EPHA6: variants seen among roughly 807,000 people sequenced by gnomAD.
The protein encoded by EPHA6 is ephrin type-A receptor 6.
EPHA6 carries 50 observed loss-of-function variants against 112.0 expected under a neutral mutation model. The ratio of observed to expected loss-of-function variants is 0.45; its 90% confidence interval spans 0.36 to 0.56. EPHA6 has a LOEUF of 0.56. Among genes scored for constraint, EPHA6 ranks in the 20% least tolerant of loss-of-function variants. EPHA6 has a pLI of 0.00. For synonymous variants in EPHA6, 529 were observed against 490.7 expected (o/e 1.08, Z -1.03); for missense variants, 1,280 against 1,417.4 (o/e 0.90, Z 1.56).
At chr3:97,279,468 A>C (rs944013879) in intron 5 of EPHA6, among the ~76,000 whole-genome samples, 1 of 152,016 alleles carries the variant, frequency 6.6e-6, no homozygotes, top group African/African-American at 2.4e-5. Context: ...GTGCTGTCAG[A>C]CTGCTCAAGT....
intron 3 of EPHA6, among the ~76,000 whole-genome samples, chr3:97,187,094 G>A (rs2077160227): frequency 6.6e-6 from 1 of 152,070 alleles, no homozygotes; most frequent in South Asian, 2.1e-4. Context: ...TCTCCGTGGT[G>A]GCTTACAACA....
At position 96,988,558 on chromosome 3, in the gene EPHA6, G is replaced by T. The variant is rs78724140; in HGVS notation, c.1114+565G>T. ...ATAATACTTGAATTGTACTTAAATA[G>T]AATTATATTTAAATAAATGAGGGAT... is the stretch of plus-strand genomic sequence containing the variant. On this transcript the variant is annotated intron_variant, in intron 3 of 17. Transcript: ENST00000389672. Among the ~76,000 whole-genome samples, 212 of 152,096 alleles carry T rather than the reference G, an allele frequency of 1.4e-3. 4 individuals are homozygous for T. The East Asian group carries it at 0.036, about 26-fold the overall frequency.
chr3:97,232,884 A>G (rs2078569613), intron 4 of EPHA6, among the ~76,000 whole-genome samples: 1 of 152,112 alleles, frequency 6.6e-6, no homozygotes, highest in South Asian at 2.1e-4. Flanking sequence ...GAGGGGCCAC[A>G]TGCACAGTAT....
intron 2 of EPHA6, among the ~76,000 whole-genome samples, chr3:96,935,020 G>C (rs913973798): frequency 6.6e-6 from 1 of 151,266 alleles, no homozygotes; most frequent in Non-Finnish European, 1.5e-5. Flanking sequence ...TCAAATATTG[G>C]TTCTCTAATG....
chr3:97,327,987 ATGT>A (rs2082543457), intron 5 of EPHA6, among the ~76,000 whole-genome samples: 1 of 140,566 alleles, frequency 7.1e-6, no homozygotes, highest in African/African-American at 2.9e-5. Context: ...GTGCATATAT[ATGT>A]ATATGTGTAT....
chr3:97,716,574 C>CAAAAAAAAAAAAA (rs1218426459), intron 14 of EPHA6, among the ~76,000 whole-genome samples: 1 of 37,264 alleles, frequency 2.7e-5, no homozygotes, highest in African/African-American at 1.7e-4. Context: ...GACTCCGTCT[C>CAAAAAAAAAAAAA]AAAAAAAAAA....
chr3:97,669,929 T>A (rs1450516157), intron 14 of EPHA6, among the ~76,000 whole-genome samples: 1 of 152,204 alleles, frequency 6.6e-6, no homozygotes, highest in Non-Finnish European at 1.5e-5. Flanking sequence ...TTTTCCTTAA[T>A]GCATTTGCCT....
chr3:97,750,269 A>G lies in EPHA6; in HGVS notation c.*1568A>G, dbSNP rs1193116421. On this transcript the variant is annotated 3_prime_UTR_variant, in exon 18 of 18. Transcript: ENST00000389672. ...TACCTACCCTAATTCTCAAATTCCT[A>G]TCTAAATTCATTTTTTGTCATAGTA... Among the ~76,000 whole-genome samples, 3 of 150,836 alleles carry G rather than the reference A, an allele frequency of 2.0e-5. No individual in the cohort carries two copies. Among genetic ancestry groups the G allele is most frequent in the Non-Finnish European group, 4.4e-5 (3 of 67,742 alleles).
intron 3 of EPHA6, among the ~76,000 whole-genome samples, chr3:97,139,866 A>C (rs1408231886): frequency 6.6e-6 from 1 of 152,176 alleles, no homozygotes; most frequent in Non-Finnish European, 1.5e-5. Flanking sequence ...CGAATTCCAA[A>C]TATGAATTGT....
At chr3:97,126,486 A>G (rs973185578) in intron 3 of EPHA6, among the ~76,000 whole-genome samples, 2 of 152,226 alleles carry the variant, frequency 1.3e-5, no homozygotes, top group African/African-American at 4.8e-5. Context: ...ACAAATGACA[A>G]TATAACTCCA....
intron 5 of EPHA6, among the ~76,000 whole-genome samples, chr3:97,287,398 G>A (rs1413917458): frequency 6.6e-6 from 1 of 151,758 alleles, no homozygotes; most frequent in Non-Finnish European, 1.5e-5. Context: ...CTGGGAGGCG[G>A]AGCTTGCAGT....
At chr3:97,157,807 C>T (rs1407112634) in intron 3 of EPHA6, among the ~76,000 whole-genome samples, 1 of 152,120 alleles carries the variant, frequency 6.6e-6, no homozygotes, top group Non-Finnish European at 1.5e-5. Flanking sequence ...TTGATTAGAT[C>T]ACCGCACCTA....
At chr3:97,311,162 A>G (rs1296343413) in intron 5 of EPHA6, among the ~76,000 whole-genome samples, 1 of 151,698 alleles carries the variant, frequency 6.6e-6, no homozygotes, top group African/African-American at 2.4e-5. Context: ...ATGCTGAAAC[A>G]TGGAAGTATT....
intron 5 of EPHA6, among the ~76,000 whole-genome samples, chr3:97,325,484 A>G (rs2082375631): frequency 6.6e-6 from 1 of 152,042 alleles, no homozygotes; most frequent in African/African-American, 2.4e-5. Context: ...ATTTTAACTC[A>G]ATCACTTCTT....
intron 3 of EPHA6, among the ~76,000 whole-genome samples, chr3:97,107,250 C>T (rs1328663734): frequency 6.6e-6 from 1 of 151,980 alleles, no homozygotes; most frequent in Non-Finnish European, 1.5e-5. Flanking sequence ...GAAAAATCTG[C>T]CTGAATATTC....
Position 96,974,608 on chromosome 3 carries a change from A to G in EPHA6, c.451-12722A>G, listed in dbSNP as rs911463465. ...CGAATTATACATGCTTCTACAGAATAGAATATCTTGCAAACTACATCTATT... is the reference window on the plus strand; with the variant it reads ...CGAATTATACATGCTTCTACAGAATGGAATATCTTGCAAACTACATCTATT... On this transcript the variant is annotated intron_variant, in intron 2 of 17. Coordinates refer to ENST00000389672, the MANE Select transcript of EPHA6 (RefSeq NM_001080448.3). Among the ~76,000 whole-genome samples, 3 of 152,276 alleles carry G rather than the reference A, an allele frequency of 2.0e-5. No homozygotes were observed. In the South Asian group the frequency reaches 6.2e-4, roughly 32 times the overall value.
intron 3 of EPHA6, among the ~76,000 whole-genome samples, chr3:97,123,472 A>G (rs969582743): frequency 1.3e-5 from 2 of 152,142 alleles, no homozygotes; most frequent in African/African-American, 4.8e-5. Context: ...TTAAGCCAAT[A>G]AGCTACTCCC....
At chr3:96,975,088 C>CT (rs896167718) in intron 2 of EPHA6, among the ~76,000 whole-genome samples, 6 of 152,036 alleles carry the variant, frequency 3.9e-5, no homozygotes, top group Admixed American at 3.3e-4. Context: ...AAAGCAAACA[C>CT]TTTGGTGTTT....
chr3:97,383,708 G>T (rs755547918), intron 5 of EPHA6, among the ~76,000 whole-genome samples: 1 of 152,052 alleles, frequency 6.6e-6, no homozygotes, highest in East Asian at 1.9e-4. Flanking sequence ...GGTCAATTAA[G>T]TTAAGGAAAT....
Sources: gnomAD v4.1 joint callset for allele counts (sites outside exome capture counted in the v4.1 genomes callset) on GRCh38, gnomAD v4.1.1 for gene constraint, MANE v1.5 for transcripts, NCBI Gene and HGNC (gene_info 2026-07-23, HGNC 2026-07-21) for gene names.